Variants in UAP1 observed in about 807,000 individuals in gnomAD.
The protein encoded by UAP1 is UDP-N-acetylhexosamine pyrophosphorylase.
Under a neutral mutation model 58.5 loss-of-function variants are expected in UAP1, and 25 were observed. The observed-to-expected ratio is 0.43, with a 90% CI of 0.31 to 0.60. UAP1 has a LOEUF of 0.60. UAP1 is among the 20% of genes least tolerant of loss of function. The pLI is 0.11. For missense variants in UAP1, 575 were observed against 630.0 expected, an observed-to-expected ratio of 0.91 and a Z score of 0.93; for synonymous variants, 208 against 213.0, an observed-to-expected ratio of 0.98 and a Z score of 0.21.
At chr1:162,573,450 A>G (rs1653989925) in intron 2 of UAP1, among the ~76,000 whole-genome samples, 1 of 152,142 alleles carries the variant, frequency 6.6e-6, no homozygotes, top group South Asian at 2.1e-4. Flanking sequence ...CTCTTAGATT[A>G]TAGTTACTAT....
chr1:162,575,150 C>G (rs1242099567), intron 2 of UAP1, among the ~76,000 whole-genome samples: 1 of 152,154 alleles, frequency 6.6e-6, no homozygotes, highest in African/African-American at 2.4e-5. Context: ...CTCACTGCAG[C>G]CTCCGTCTCC....
At chr1:162,566,015 T>A in exon 2 of UAP1, 1 of 1,536,392 alleles carries the variant, frequency 6.5e-7, no homozygotes, top group Non-Finnish European at 8.8e-7. Context: ...CTTTTAGGTT[T>A]ACAGGTACAT....
intron 7 of UAP1, among the ~76,000 whole-genome samples, chr1:162,589,925 T>G (rs1655193996): frequency 6.6e-6 from 1 of 152,100 alleles, no homozygotes; most frequent in Non-Finnish European, 1.5e-5. Context: ...GAGCTGAGAT[T>G]GTGCCACTGC....
At chr1:162,569,743 T>C (rs1472394502) in intron 2 of UAP1, among the ~76,000 whole-genome samples, 1 of 152,258 alleles carries the variant, frequency 6.6e-6, no homozygotes, top group Non-Finnish European at 1.5e-5. Flanking sequence ...CTCTACCATA[T>C]AGCACTATAG....
At position 162,566,267 on chromosome 1, in the gene UAP1, G is replaced by C. The variant is rs372368788; in HGVS notation, c.199G>C (p.Ala67Pro). 5.0e-6 allele frequency: 8 copies of C among 1,614,040 alleles called. No homozygotes were observed. The African/African-American group carries it at 1.1e-4, about 22-fold the overall frequency. Residue 67 changes from alanine (A) to proline (P), a missense_variant, in exon 2 of 11, where the codon GCA becomes CCA. By Grantham distance (27) the Ala-to-Pro change is conservative (BLOSUM62 -1). Coordinates refer to ENST00000271469, the Ensembl canonical transcript of UAP1. ...GTCTTCTCACCAAAAGAATGTGGAT[G>C]CACGAATGGAACCTGTGCCTCGAGA...
intron 1 of UAP1, among the ~76,000 whole-genome samples, chr1:162,562,140 G>A (rs1308740745): frequency 1.3e-5 from 2 of 152,064 alleles, no homozygotes; most frequent in Non-Finnish European, 2.9e-5. Flanking sequence ...TAGGCGTGTG[G>A]GGTTGGGAGT....
chr1:162,573,813 A>G (rs1268605839), intron 2 of UAP1, among the ~76,000 whole-genome samples: 2 of 151,866 alleles, frequency 1.3e-5, no homozygotes, highest in Non-Finnish European at 2.9e-5. Context: ...AAAATACAAA[A>G]ATTAGCTAAG....
intron 5 of UAP1, among the ~76,000 whole-genome samples, chr1:162,583,478 G>C (rs778762482): frequency 9.9e-5 from 15 of 151,464 alleles, no homozygotes; most frequent in Admixed American, 2.0e-4. Flanking sequence ...TCCTAAAATA[G>C]AAACTTAAAA....
intron 5 of UAP1, 43 bp downstream of exon 5, chr1:162,581,502 C>T: frequency 6.3e-7 from 1 of 1,585,012 alleles, no homozygotes; most frequent in Non-Finnish European, 8.6e-7. Flanking sequence ...GATGGTCTTG[C>T]TCTGTCATAT....
chr1:162,584,947 C>G (rs1484070510), intron 5 of UAP1, among the ~76,000 whole-genome samples: 1 of 152,190 alleles, frequency 6.6e-6, no homozygotes, highest in Non-Finnish European at 1.5e-5. Flanking sequence ...TATAGTAACT[C>G]TGAGGTTAAA....
intron 5 of UAP1, among the ~76,000 whole-genome samples, chr1:162,582,692 A>G (rs1654661178): frequency 6.6e-6 from 1 of 152,260 alleles, no homozygotes; most frequent in South Asian, 2.1e-4. Flanking sequence ...TTCTACTGAA[A>G]GCAGTAACCA....
At chr1:162,590,369 C>G (rs1557978444) in exon 8 of UAP1, 4 of 1,613,154 alleles carry the variant, frequency 2.5e-6, no homozygotes, top group Middle Eastern at 1.7e-4. Context: ...GTTTTCCCCA[C>G]TAAAGAATGC....
chr1:162,594,693 A>G (rs2101840027), intron 9 of UAP1, among the ~76,000 whole-genome samples: 1 of 152,344 alleles, frequency 6.6e-6, no homozygotes, highest in Non-Finnish European at 1.5e-5. Context: ...CTAACAGTGT[A>G]ATAGATTGTT....
chr1:162,592,592 A>C, intron 8 of UAP1, 140 bp from the exon 9 acceptor site: 1 of 640,100 alleles, frequency 1.6e-6, no homozygotes. Context: ...TTATTTTTTT[A>C]CCCCCTTTTG....
In UAP1 at chr1:162,565,870, C is replaced by T. The variant is rs573373343; in HGVS notation, c.-57-142C>T. The T allele has an allele frequency of 5.1e-6, 3 of 585,632 alleles. No individual in the cohort carries two copies. The South Asian group carries it at 6.4e-5, about 12-fold the overall frequency. The allele number at this position is 585,632 out of a possible 1,614,324, so 36.3% of individuals were successfully genotyped here. A position where few individuals can be genotyped will look rare whatever the true frequency, so the allele number is the denominator to read the frequency against. Reference sequence around the variant, plus strand: ...CATATTATTGTCTTACAGGTTTGATCTCTTACAAATATTGAGTGATGGAAA... The same window carrying T: ...CATATTATTGTCTTACAGGTTTGATTTCTTACAAATATTGAGTGATGGAAA... On this transcript the variant is annotated intron_variant, in intron 1 of 10. Coordinates refer to ENST00000271469, the Ensembl canonical transcript of UAP1.
chr1:162,569,246 G>A (rs758475216), intron 2 of UAP1, among the ~76,000 whole-genome samples: 3 of 152,196 alleles, frequency 2.0e-5, no homozygotes, highest in Non-Finnish European at 4.4e-5. Context: ...ATCAGGGACA[G>A]TTTTTACTTC....
At chr1:162,599,121 C>G in intron 10 of UAP1, 150 bp from the exon 11 acceptor site, 1 of 502,370 alleles carries the variant, frequency 2.0e-6, no homozygotes, top group Non-Finnish European at 3.6e-6. Flanking sequence ...TAAGTCTACT[C>G]TAAAATGTCT....
intron 2 of UAP1, among the ~76,000 whole-genome samples, chr1:162,573,477 G>T (rs1173045470): frequency 6.6e-6 from 1 of 152,084 alleles, no homozygotes; most frequent in African/African-American, 2.4e-5. Flanking sequence ...TTCTATTTTG[G>T]TACACCTGAT....
intron 5 of UAP1, among the ~76,000 whole-genome samples, chr1:162,582,001 G>C (rs1571074925): frequency 6.6e-6 from 1 of 152,152 alleles, no homozygotes; most frequent in African/African-American, 2.4e-5. Flanking sequence ...TATGTAATGA[G>C]TCTGTTCTTG....
Sources: allele counts gnomAD v4.1 joint callset (sites outside exome capture counted in the v4.1 genomes callset), GRCh38; gene constraint gnomAD v4.1.1; transcripts MANE v1.5; gene names NCBI Gene and HGNC (gene_info 2026-07-23, HGNC 2026-07-21).